The following KRABD5 variants were observed in gnomAD, a reference collection of about 807,000 sequenced individuals.
KRABD5 encodes KRAB domain-containing protein 5.
At chr16:31,713,313 C>G in the KRABD5 span, 1 of 1,390,362 alleles carries the variant, frequency 7.2e-7, no homozygotes, top group Non-Finnish European at 1.0e-6. Context: ...CCCAGTCCTT[C>G]CATCTGGGAG....
chr16:31,752,520 G>A, the KRABD5 span, among the ~76,000 whole-genome samples: 2 of 152,024 alleles, frequency 1.3e-5, no homozygotes, highest in Non-Finnish European at 2.9e-5. Flanking sequence ...TTATCATTAT[G>A]GAATACATCC....
chr16:31,722,065 TTTTTTGTTTTTTTG>T, the KRABD5 span, among the ~76,000 whole-genome samples: 2 of 149,324 alleles, frequency 1.3e-5, no homozygotes, highest in African/African-American at 5.0e-5. Context: ...TAGTTTTTTG[TTTTTTGTTTTTTTG>T]TTTTTGTTTT....
At chr16:31,740,676 C>G in the KRABD5 span, among the ~76,000 whole-genome samples, 2 of 150,738 alleles carry the variant, frequency 1.3e-5, no homozygotes, top group African/African-American at 4.9e-5. Context: ...TGCCTGTAGT[C>G]CCAGTGACTC....
chr16:31,748,433 A>G, the KRABD5 span, among the ~76,000 whole-genome samples: 1 of 152,212 alleles, frequency 6.6e-6, no homozygotes, highest in Non-Finnish European at 1.5e-5. Flanking sequence ...TGATGCCTCC[A>G]GCTTTGTTCT....
chr16:31,740,652 G>C, the KRABD5 span, among the ~76,000 whole-genome samples: 3 of 149,422 alleles, frequency 2.0e-5, no homozygotes, highest in Non-Finnish European at 4.4e-5. Flanking sequence ...TTTTTAATTA[G>C]TTGTTGTGGC....
At chr16:31,751,894 G>A in the KRABD5 span, among the ~76,000 whole-genome samples, 50 of 152,226 alleles carry the variant, frequency 3.3e-4, 1 homozygote, top group Non-Finnish European at 1.6e-4. Flanking sequence ...TAGGCATTTC[G>A]TGTTATAAGC....
chr16:31,715,807 A>T, the KRABD5 span, among the ~76,000 whole-genome samples: 1 of 152,210 alleles, frequency 6.6e-6, no homozygotes, highest in Non-Finnish European at 1.5e-5. Context: ...GTCATAAAAA[A>T]GATAGCACAG....
the KRABD5 span, among the ~76,000 whole-genome samples, chr16:31,745,874 A>T: frequency 6.6e-6 from 1 of 150,846 alleles, no homozygotes; most frequent in African/African-American, 2.4e-5. Flanking sequence ...ATTATGTAAT[A>T]CTCTTCTTTG....
chr16:31,720,865 G>T, the KRABD5 span, among the ~76,000 whole-genome samples: 1 of 152,166 alleles, frequency 6.6e-6, no homozygotes, highest in Non-Finnish European at 1.5e-5. Context: ...GGTTGCTTTG[G>T]AGAGTGAAGG....
chr16:31,760,954 T>C, the KRABD5 span: 1 of 152,120 alleles, frequency 6.6e-6, no homozygotes, highest in Non-Finnish European at 1.5e-5. Flanking sequence ...TGAAGAATAA[T>C]AGATGGATGA....
the KRABD5 span, chr16:31,759,224 A>C: frequency 1.0e-6 from 1 of 972,488 alleles, no homozygotes; most frequent in Non-Finnish European, 1.5e-6. Flanking sequence ...CTAATTGTAT[A>C]GCTTTTAGAA....
At chr16:31,759,425 G>GTGAA in the KRABD5 span, 2 of 1,532,452 alleles carry the variant, frequency 1.3e-6, no homozygotes, top group Admixed American at 2.0e-5. Context: ...CCAAAGACAA[G>GTGAA]TGAATTTTCT....
the KRABD5 span, among the ~76,000 whole-genome samples, chr16:31,732,430 A>G: frequency 2.0e-5 from 3 of 152,354 alleles, no homozygotes; most frequent in South Asian, 4.1e-4. Context: ...TACGCATTGT[A>G]TAAGATGTAA....
At chr16:31,721,851 C>T in the KRABD5 span, among the ~76,000 whole-genome samples, 14 of 152,254 alleles carry the variant, frequency 9.2e-5, no homozygotes, top group East Asian at 3.9e-4. Context: ...GTTAAAAATG[C>T]GGAAACGCAG....
At chr16:31,757,191 G>A in the KRABD5 span, 1 of 152,208 alleles carries the variant, frequency 6.6e-6, no homozygotes, top group Admixed American at 6.6e-5. Context: ...TGCTGTCCAG[G>A]TGTGGTGGCT....
the KRABD5 span, chr16:31,755,246 C>T: frequency 2.5e-5 from 12 of 482,594 alleles, no homozygotes; most frequent in East Asian, 1.3e-4. Flanking sequence ...ATCTTTTTCT[C>T]GTTCCTCAAG....
the KRABD5 span, chr16:31,714,530 T>C: frequency 2.5e-6 from 1 of 403,452 alleles, no homozygotes; most frequent in African/African-American, 2.1e-5. Flanking sequence ...TGTGGAGAGC[T>C]GATGAGATGG....
chr16:31,725,528 A>G, the KRABD5 span, among the ~76,000 whole-genome samples: 1 of 152,214 alleles, frequency 6.6e-6, no homozygotes, highest in East Asian at 1.9e-4. Flanking sequence ...TGGCTGGATC[A>G]ATTTACATTT....
the KRABD5 span, among the ~76,000 whole-genome samples, chr16:31,716,708 G>A: frequency 6.6e-6 from 1 of 152,072 alleles, no homozygotes; most frequent in African/African-American, 2.4e-5. Flanking sequence ...TGCATGCGGT[G>A]TGTCCAAGGC....
Sources: gnomAD v4.1 joint callset for allele counts (sites outside exome capture counted in the v4.1 genomes callset) on GRCh38, gnomAD v4.1.1 for gene constraint, MANE v1.5 for transcripts, NCBI Gene and HGNC (gene_info 2026-07-23, HGNC 2026-07-21) for gene names.